Variants in MAMLD1 observed in about 807,000 individuals in gnomAD.
MAMLD1 encodes the protein mastermind like domain containing 1.
A neutral mutation model predicts 45.0 loss-of-function variants in MAMLD1; 14 were observed. The ratio of observed to expected loss-of-function variants is 0.31; its 90% CI spans 0.21 to 0.49. The LOEUF is 0.49. Ranked by LOEUF, MAMLD1 falls within the 20% of genes least tolerant of loss-of-function variation. The probability of loss-of-function intolerance (pLI) is 0.99; values close to 1 mark genes in which losing one functional copy is unlikely to be tolerated. For missense variants in MAMLD1, 543 were observed against 603.6 expected (o/e 0.90, Z 1.05); for synonymous variants, 254 against 247.8 (o/e 1.02, Z -0.24).
At chrX:150,410,145 CAGA>C (rs2034090013) in intron 1 of MAMLD1, among the ~76,000 whole-genome samples, 1 of 111,748 alleles carries the variant, frequency 8.9e-6, no homozygotes, top group Non-Finnish European at 1.9e-5. Flanking sequence ...CACTGAAGCT[CAGA>C]AGAAGTCAGG....
intron 6 of MAMLD1, chrX:150,504,588 A>G: frequency 1.9e-6 from 1 of 526,066 alleles, no homozygotes; most frequent in Non-Finnish European, 2.3e-6. Flanking sequence ...CCAGGGAAAC[A>G]GAATTAGCAA....
chrX:150,440,901 T>G (rs1025367922), intron 1 of MAMLD1, among the ~76,000 whole-genome samples: 11 of 104,699 alleles, frequency 1.1e-4, no homozygotes, highest in Non-Finnish European at 2.1e-4. Context: ...TAATATTTAT[T>G]AAATTTAAAA....
chrX:150,456,427 C>T (rs1304725774), intron 2 of MAMLD1, among the ~76,000 whole-genome samples: 2 of 111,611 alleles, frequency 1.8e-5, no homozygotes, highest in Non-Finnish European at 3.8e-5. Context: ...TGAGAAAGTA[C>T]ACTGTCCACT....
intron 2 of MAMLD1, among the ~76,000 whole-genome samples, chrX:150,456,533 G>A (rs2035872821): frequency 9.0e-6 from 1 of 111,400 alleles, no homozygotes; most frequent in Admixed American, 9.5e-5. Context: ...ACTCTGTGTG[G>A]ATCCCTTTAG....
rs781839317 is a variant in MAMLD1 at position 150,371,117 on chromosome X, C to T, written c.-64+7587C>T. Among the ~76,000 whole-genome samples the T allele has an allele frequency of 6.3e-5, 7 of 111,325 alleles. No individual in the cohort carries two copies. In the East Asian group the frequency reaches 2.0e-3, roughly 32 times the overall value. On this transcript the variant is annotated intron_variant, in intron 1 of 7. Coordinates refer to ENST00000370401, the MANE Select transcript of MAMLD1 (RefSeq NM_005491.5). ...AGGCAACTCAGTCCTGCCCGGCTGC[C>T]CTCTGACCTGGACACAGCCAGTGCC...
At chrX:150,400,424 C>T (rs1408252202) in intron 1 of MAMLD1, among the ~76,000 whole-genome samples, 3 of 111,744 alleles carry the variant, frequency 2.7e-5, no homozygotes, top group African/African-American at 9.8e-5. Flanking sequence ...TTGACTTCCT[C>T]TTTTCCTAAT....
Position 150,514,103 on chromosome X carries a change from A to G in MAMLD1, c.*2144A>G. The G allele has an allele frequency of 3.9e-6, 1 of 253,733 alleles. No homozygotes were observed. 20.9% of individuals were successfully genotyped at this position (253,733 alleles called of 1,213,427 possible). The stretch of plus-strand genomic sequence containing the variant: ...TTGCCACCTCGTATTTCACCTCTAC[A>G]TTTGAAATCTGGCGTCTGTTTCAAG... On this transcript the variant is annotated 3_prime_UTR_variant, in exon 8 of 8. Transcript: ENST00000370401.
At chrX:150,494,745 T>C (rs2037313491) in intron 5 of MAMLD1, among the ~76,000 whole-genome samples, 1 of 110,405 alleles carries the variant, frequency 9.1e-6, no homozygotes, top group Admixed American at 9.6e-5. Context: ...CTGGGAGTGG[T>C]GGTACAAGCC....
chrX:150,469,946 G>T lies in MAMLD1; in HGVS notation c.373G>T (p.Ala125Ser), dbSNP rs1557406243. The change falls in exon 4 of 8, where the codon GCT becomes TCT. Residue 125 changes from alanine to serine, a missense_variant. Coordinates refer to ENST00000370401, the MANE Select transcript of MAMLD1 (RefSeq NM_005491.5). ...INPSPAAMGV[A>S]GQSLLLENNP... The stretch of plus-strand genomic sequence containing the variant: ...TCCTAGCCCTGCGGCTATGGGAGTG[G>T]CTGGCCAGTCATTACTGCTGGAGAA... The T allele has an allele frequency of 1.7e-6, 2 of 1,209,987 alleles. No individual in the cohort carries two copies. The highest frequency in any genetic ancestry group is 2.2e-6 in the Non-Finnish European group (2 of 895,209).
intron 5 of MAMLD1, 135 bp from the exon 6 acceptor site, chrX:150,503,139 T>C: frequency 1.7e-6 from 1 of 583,470 alleles, no homozygotes; most frequent in Non-Finnish European, 3.1e-6. Context: ...CTGTTTGGTT[T>C]CGTTCCACCA....
chrX:150,396,882 A>G (rs2033441727), intron 1 of MAMLD1, among the ~76,000 whole-genome samples: 1 of 112,132 alleles, frequency 8.9e-6, no homozygotes, highest in Admixed American at 9.4e-5. Flanking sequence ...TCCCAAGTCT[A>G]GGACTCTAGG....
intron 1 of MAMLD1, among the ~76,000 whole-genome samples, chrX:150,431,661 T>C (rs782340743): frequency 5.4e-5 from 6 of 111,186 alleles, no homozygotes; most frequent in Non-Finnish European, 1.1e-4. Flanking sequence ...AGTGAGAACA[T>C]GCAGTTTGTG....
chrX:150,453,577 C>T (rs1557405173), intron 2 of MAMLD1, among the ~76,000 whole-genome samples: 1 of 112,092 alleles, frequency 8.9e-6, no homozygotes, highest in East Asian at 2.8e-4. Flanking sequence ...TTCCATTTCT[C>T]CTCCCATCAG....
intron 1 of MAMLD1, among the ~76,000 whole-genome samples, chrX:150,367,796 G>C (rs1381957140): frequency 9.2e-6 from 1 of 108,894 alleles, no homozygotes; most frequent in Admixed American, 9.8e-5. Context: ...ACCTATGAGT[G>C]AGAACATGCG....
chrX:150,413,078 T>A (rs2124537368), intron 1 of MAMLD1, among the ~76,000 whole-genome samples: 1 of 111,399 alleles, frequency 9.0e-6, no homozygotes, highest in East Asian at 2.8e-4. Flanking sequence ...ACAACTCTCC[T>A]TTAGCTACCT....
chrX:150,423,614 A>AAG lies in MAMLD1; in HGVS notation c.-63-21815_-63-21814dup, dbSNP rs138772700. 8.4e-3 allele frequency among the ~76,000 whole-genome samples: 855 copies of AAG among 101,622 alleles called. 5 individuals are homozygous for AAG. Among genetic ancestry groups the AAG allele is most frequent in the African/African-American group, 0.017 (483 of 27,725 alleles). The allele number at this position is 101,622 out of a possible 115,157, so 88.2% of individuals were successfully genotyped here. A position where few individuals can be genotyped will look rare whatever the true frequency, so the allele number is the denominator to read the frequency against. ...CATAGTGCTTTCCAGAAGAGAGAGA[A>AAG]AGAGAGAGAGAGAGAGAGAGAGAGA... On this transcript the variant is annotated intron_variant, in intron 1 of 7. Transcript: ENST00000370401.
chrX:150,401,641 G>A (rs1233351022), intron 1 of MAMLD1, among the ~76,000 whole-genome samples: 1 of 111,463 alleles, frequency 9.0e-6, no homozygotes, highest in Non-Finnish European at 1.9e-5. Flanking sequence ...GAACAAAGCT[G>A]GAGACATCAC....
intron 2 of MAMLD1, among the ~76,000 whole-genome samples, chrX:150,454,935 C>G (rs2035797574): frequency 9.0e-6 from 1 of 111,309 alleles, no homozygotes; most frequent in Non-Finnish European, 1.9e-5. Flanking sequence ...TCCATCACCT[C>G]TACCATTACC....
At chrX:150,491,608 TG>T (rs2148338995) in intron 5 of MAMLD1, among the ~76,000 whole-genome samples, 1 of 112,035 alleles carries the variant, frequency 8.9e-6, no homozygotes, top group African/African-American at 3.2e-5. Context: ...CAGGCAGCTC[TG>T]GGGAAGCCAG....
Sources: gnomAD v4.1 joint callset for allele counts (sites outside exome capture counted in the v4.1 genomes callset) on GRCh38, gnomAD v4.1.1 for gene constraint, MANE v1.5 for transcripts, NCBI Gene and HGNC (gene_info 2026-07-23, HGNC 2026-07-21) for gene names.